The following STX8 variants were observed in gnomAD, a reference collection of about 807,000 sequenced individuals.
STX8 encodes the protein syntaxin-8.
Under a neutral mutation model 37.5 loss-of-function variants are expected in STX8, and 23 were observed. The ratio of observed to expected loss-of-function variants is 0.61; its 90% CI spans 0.44 to 0.87. The LOEUF is 0.87. Among genes scored for constraint, STX8 ranks in the 40% least tolerant of loss-of-function variants. STX8 has a pLI of 0.00. For synonymous variants in STX8, 115 were observed against 99.1 expected, an observed-to-expected ratio of 1.16 and a Z score of -0.95; for missense variants, 313 against 284.7, an observed-to-expected ratio of 1.10 and a Z score of -0.71.
At chr17:9,479,127 C>T (rs923097219) in intron 6 of STX8, among the ~76,000 whole-genome samples, 1 of 152,184 alleles carries the variant, frequency 6.6e-6, no homozygotes, top group Non-Finnish European at 1.5e-5. Context: ...AATGGATAAA[C>T]ACCCCCTTGC....
chr17:9,429,359 TAATA>T (rs915005421), intron 6 of STX8, among the ~76,000 whole-genome samples: 20 of 145,600 alleles, frequency 1.4e-4, no homozygotes, highest in African/African-American at 4.0e-4. Flanking sequence ...ATATAATATA[TAATA>T]AATATTTATA....
Position 9,507,397 on chromosome 17 carries a change from G to C in STX8, c.324-2235C>G, listed in dbSNP as rs959003426. On this transcript the variant is annotated intron_variant, in intron 4 of 7. Transcript: ENST00000306357. The surrounding 1 kb of genome is among the most constrained non-coding windows in gnomAD (Gnocchi z 4.0). ...AGCCTTGTGTTCATATCCCGGGTCTGAGAAGCAACTCCTCAGGCCACTCCT... is the reference window on the plus strand; with the variant it reads ...AGCCTTGTGTTCATATCCCGGGTCTCAGAAGCAACTCCTCAGGCCACTCCT... Among the ~76,000 whole-genome samples the C allele has an allele frequency of 4.2e-4, 63 of 151,684 alleles. No individual in the cohort carries two copies. Among genetic ancestry groups the C allele is most frequent in the African/African-American group, 1.5e-3 (61 of 41,344 alleles).
chr17:9,343,028 A>G (rs973575137), intron 7 of STX8, among the ~76,000 whole-genome samples: 2 of 149,792 alleles, frequency 1.3e-5, no homozygotes, highest in East Asian at 1.9e-4. Context: ...CAAAAAAAAA[A>G]AAAAAAAAAA....
intron 6 of STX8, among the ~76,000 whole-genome samples, chr17:9,388,881 T>A (rs1912111485): frequency 6.6e-6 from 1 of 151,788 alleles, no homozygotes; most frequent in Admixed American, 6.6e-5. Flanking sequence ...TCTAATGATA[T>A]CATTTGTATT....
Position 9,296,500 on chromosome 17 carries a change from C to CAAAAAA in STX8, c.644-45861_644-45856dup, listed in dbSNP as rs55811417. Among the ~76,000 whole-genome samples the CAAAAAA allele has an allele frequency of 3.3e-3, 405 of 123,184 alleles. 5 individuals carry two copies. The highest frequency in any genetic ancestry group is 0.011 in the African/African-American group (371 of 33,828). The allele number at this position is 123,184 out of a possible 152,430, so 80.8% of individuals were successfully genotyped here. On this transcript the variant is annotated intron_variant, in intron 7 of 7. Transcript: ENST00000306357. ...GCAACGAGAGTGAAACTCCATCTCTCAAAAAAAAAAAAAAATGTATATTAG... is the reference window on the plus strand; with the variant it reads ...GCAACGAGAGTGAAACTCCATCTCTCAAAAAAAAAAAAAAAAAAAAATGTATATTAG...
chr17:9,400,491 A>G (rs1318573274), intron 6 of STX8, among the ~76,000 whole-genome samples: 4 of 141,902 alleles, frequency 2.8e-5, no homozygotes, highest in African/African-American at 5.3e-5. Context: ...TGCAACCTCC[A>G]CCTCCCAGGT....
intron 2 of STX8, among the ~76,000 whole-genome samples, chr17:9,559,734 TTATATATA>T (rs1009971082): frequency 1.0e-4 from 5 of 48,754 alleles, no homozygotes; most frequent in South Asian, 8.0e-4. Context: ...TATTATTATT[TTATATATA>T]TATATATATA....
At chr17:9,301,254 T>C (rs912203797) in intron 7 of STX8, among the ~76,000 whole-genome samples, 8 of 152,116 alleles carry the variant, frequency 5.3e-5, no homozygotes, top group Admixed American at 3.9e-4. Context: ...TAATTCCTAG[T>C]TTCTGAAGAG....
At chr17:9,343,058 GATGC>G (rs889651118) in intron 7 of STX8, among the ~76,000 whole-genome samples, 1 of 149,508 alleles carries the variant, frequency 6.7e-6, no homozygotes, top group African/African-American at 2.5e-5. Flanking sequence ...CAAATGTGAG[GATGC>G]ACTGAGTGGT....
chr17:9,262,868 C>A (rs1001038063), intron 7 of STX8, among the ~76,000 whole-genome samples: 1 of 152,168 alleles, frequency 6.6e-6, no homozygotes, highest in African/African-American at 2.4e-5. Context: ...CCACCACGCT[C>A]GGCCACAAAT....
intron 7 of STX8, among the ~76,000 whole-genome samples, chr17:9,349,407 G>A (rs532974997): frequency 3.0e-5 from 4 of 134,566 alleles, no homozygotes; most frequent in Non-Finnish European, 6.1e-5. Context: ...TGTAACCTCC[G>A]CCTCCTGGGT....
chr17:9,406,966 T>G (rs908804296), intron 6 of STX8, among the ~76,000 whole-genome samples: 1 of 152,174 alleles, frequency 6.6e-6, no homozygotes, highest in Non-Finnish European at 1.5e-5. Flanking sequence ...AGAGAGCTGC[T>G]TCTCCTAAGC....
intron 4 of STX8, among the ~76,000 whole-genome samples, chr17:9,542,972 G>A (rs899763476): frequency 2.2e-4 from 33 of 152,126 alleles, no homozygotes; most frequent in African/African-American, 7.2e-4. Context: ...ACAAGGACCT[G>A]GTGGGAAGAC....
chr17:9,426,247 C>T (rs1382259784), intron 6 of STX8, among the ~76,000 whole-genome samples: 2 of 152,280 alleles, frequency 1.3e-5, no homozygotes, highest in East Asian at 3.9e-4. Context: ...CTGCCCAAGG[C>T]CAGGCACGAT....
chr17:9,494,958 C>T (rs1212172387), intron 5 of STX8, among the ~76,000 whole-genome samples: 1 of 152,120 alleles, frequency 6.6e-6, no homozygotes, highest in Non-Finnish European at 1.5e-5. Flanking sequence ...CTCGCAGCTT[C>T]ATTTGTCTAC....
intron 3 of STX8, among the ~76,000 whole-genome samples, chr17:9,546,609 T>TTTTTTTTTTTTTTTTTTTTTTTTTTTC (rs1906537038): frequency 7.2e-6 from 1 of 139,202 alleles, no homozygotes; most frequent in Admixed American, 7.2e-5. Flanking sequence ...TTTTTTTTTT[T>TTTTTTTTTTTTTTTTTTTTTTTTTTTC]TTTTTTGGAG....
intron 4 of STX8, among the ~76,000 whole-genome samples, chr17:9,528,381 T>A (rs913253542): frequency 1.3e-5 from 2 of 152,210 alleles, no homozygotes; most frequent in Non-Finnish European, 1.5e-5. Flanking sequence ...CACAGCAACC[T>A]CCGCCTCCCG....
chr17:9,298,578 A>T (rs867271058), intron 7 of STX8, among the ~76,000 whole-genome samples: 1 of 152,176 alleles, frequency 6.6e-6, no homozygotes, highest in Non-Finnish European at 1.5e-5. Context: ...TTGGGAGGCC[A>T]AGGTGGGTAG....
chr17:9,420,871 G>A lies in STX8; in HGVS notation c.542-42218C>T, dbSNP rs578232362. ...AGTCTCTCAACTTAGAATTGTGGACGGTCATTTTCATAGGCAACATTTACG... is the reference window on the plus strand; with the variant it reads ...AGTCTCTCAACTTAGAATTGTGGACAGTCATTTTCATAGGCAACATTTACG... On this transcript the variant is annotated intron_variant, in intron 6 of 7. Coordinates refer to ENST00000306357, the MANE Select transcript of STX8 (RefSeq NM_004853.3). 5.1e-4 allele frequency among the ~76,000 whole-genome samples: 77 copies of A among 152,252 alleles called. 1 individual carries two copies. In the South Asian group the frequency reaches 0.015, roughly 29 times the overall value.
Sources: allele counts gnomAD v4.1 joint callset (sites outside exome capture counted in the v4.1 genomes callset), GRCh38; gene constraint gnomAD v4.1.1; non-coding constraint Gnocchi (gnomAD v3.1); transcripts MANE v1.5; gene names NCBI Gene and HGNC (gene_info 2026-07-23, HGNC 2026-07-21).